The following IMPG1 variants were observed in gnomAD, a reference collection of about 807,000 sequenced individuals.
The protein encoded by IMPG1 is interphotoreceptor matrix proteoglycan 1.
Under a neutral mutation model 92.0 loss-of-function variants are expected in IMPG1, and 85 were observed. That is an observed-to-expected ratio of 0.92 (90% CI 0.78 to 1.11). The LOEUF is 1.11. Among genes scored for constraint, IMPG1 ranks in the 50% least tolerant of loss-of-function variants. The probability of loss-of-function intolerance (pLI) is 0.00; values close to 1 mark genes in which losing one functional copy is unlikely to be tolerated. For synonymous variants in IMPG1, 367 were observed against 334.1 expected (o/e 1.10, Z -1.08); for missense variants, 1,022 against 956.0 (o/e 1.07, Z -0.91).
intron 12 of IMPG1, among the ~76,000 whole-genome samples, chr6:75,974,382 TCTTTCTTTC>T (rs1782488151): frequency 9.0e-6 from 1 of 111,034 alleles, no homozygotes; most frequent in African/African-American, 3.6e-5. Flanking sequence ...TTTCTTTCTT[TCTTTCTTTC>T]TTTTCTTTCT....
At chr6:76,062,432 C>T (rs2127597918) in intron 1 of IMPG1, among the ~76,000 whole-genome samples, 1 of 152,192 alleles carries the variant, frequency 6.6e-6, no homozygotes, top group East Asian at 1.9e-4. Context: ...AATAAAACTA[C>T]AAAAAGGCTG....
chr6:76,057,676 T>C (rs151061064), intron 1 of IMPG1, among the ~76,000 whole-genome samples: 2 of 152,248 alleles, frequency 1.3e-5, no homozygotes, highest in Admixed American at 1.3e-4. Flanking sequence ...CCATCTGGGT[T>C]ATTACTCATG....
At chr6:75,982,200 G>T (rs1469482458) in intron 12 of IMPG1, among the ~76,000 whole-genome samples, 1 of 152,154 alleles carries the variant, frequency 6.6e-6, no homozygotes, top group Non-Finnish European at 1.5e-5. Flanking sequence ...ATTCTGCAAA[G>T]CCTGAATGCT....
At chr6:76,055,304 A>G (rs1257330481) in intron 1 of IMPG1, among the ~76,000 whole-genome samples, 1 of 152,094 alleles carries the variant, frequency 6.6e-6, no homozygotes, top group Non-Finnish European at 1.5e-5. Flanking sequence ...ATTATTCAAA[A>G]TAACCCATAT....
At chr6:75,982,561 C>A (rs1308071626) in intron 12 of IMPG1, among the ~76,000 whole-genome samples, 4 of 148,092 alleles carry the variant, frequency 2.7e-5, no homozygotes, top group East Asian at 2.0e-4. Flanking sequence ...ATCTATCTAT[C>A]TATATATCTA....
chr6:76,021,231 A>G (rs1015171673), intron 6 of IMPG1, among the ~76,000 whole-genome samples: 9 of 152,186 alleles, frequency 5.9e-5, no homozygotes, highest in African/African-American at 2.2e-4. Context: ...AAATGTTTAA[A>G]TTTACCTATA....
At chr6:76,003,043 A>T in intron 11 of IMPG1, 47 bp from the exon 12 acceptor site, 16 of 1,386,728 alleles carry the variant, frequency 1.2e-5, no homozygotes, top group Non-Finnish European at 1.5e-5. Context: ...GGATGTTTGT[A>T]TGTATATGAG....
intron 1 of IMPG1, among the ~76,000 whole-genome samples, chr6:76,066,121 C>G (rs2127598679): frequency 6.6e-6 from 1 of 152,004 alleles, no homozygotes; most frequent in South Asian, 2.1e-4. Context: ...ATCATAAAAA[C>G]AAACATAAAT....
intron 12 of IMPG1, among the ~76,000 whole-genome samples, chr6:75,954,488 A>C (rs1202831194): frequency 6.6e-6 from 1 of 151,960 alleles, no homozygotes; most frequent in Non-Finnish European, 1.5e-5. Flanking sequence ...AATTTGTTTA[A>C]GTTTCTTGTA....
chr6:76,002,557 G>A (rs779370082), intron 12 of IMPG1, among the ~76,000 whole-genome samples: 6 of 152,188 alleles, frequency 3.9e-5, no homozygotes, highest in Non-Finnish European at 8.8e-5. Context: ...ATGGACTTGG[G>A]CCTTAGGACC....
Position 75,968,940 on chromosome 6 carries a change from G to A in IMPG1, c.1292-17846C>T, listed in dbSNP as rs540003669. Among the ~76,000 whole-genome samples, 14 of 152,128 alleles carry A rather than the reference G, an allele frequency of 9.2e-5. No homozygotes were observed. The East Asian group carries it at 1.9e-3, about 21-fold the overall frequency. ...TATGAAATCAAATCAAGTGTTCATC[G>A]ATGAATGACTAAAGAAAATGTGGTA... On this transcript the variant is annotated intron_variant, in intron 12 of 16. Coordinates refer to ENST00000369950, the MANE Select transcript of IMPG1 (RefSeq NM_001563.4).
intron 15 of IMPG1, among the ~76,000 whole-genome samples, chr6:75,924,228 A>G (rs1178437863): frequency 6.6e-6 from 1 of 150,464 alleles, no homozygotes; most frequent in Non-Finnish European, 1.5e-5. Context: ...TGATCGAGCA[A>G]TCCCACTACT....
intron 1 of IMPG1, among the ~76,000 whole-genome samples, chr6:76,057,760 A>G (rs192242061): frequency 8.7e-4 from 133 of 152,256 alleles, no homozygotes; most frequent in African/African-American, 3.0e-3. Flanking sequence ...TGACATTATA[A>G]TGAGCTGGGC....
Position 76,062,969 on chromosome 6 carries a change from C to T in IMPG1, c.67+9453G>A, listed in dbSNP as rs989791103. On this transcript the variant is annotated intron_variant, in intron 1 of 16. Transcript: ENST00000369950. ...CTGTAATCCCAGCACTTTAGGAGGC[C>T]GAGGTGAGTGGATTATTTGAGGTCA... Among the ~76,000 whole-genome samples the T allele has an allele frequency of 7.3e-5, 11 of 151,090 alleles. 1 individual carries two copies. The highest frequency in any genetic ancestry group is 1.5e-4 in the African/African-American group (6 of 41,128).
At chr6:75,975,832 A>G (rs1328808934) in intron 12 of IMPG1, among the ~76,000 whole-genome samples, 1 of 152,250 alleles carries the variant, frequency 6.6e-6, no homozygotes, top group African/African-American at 2.4e-5. Flanking sequence ...GTAGCTCTGA[A>G]GTAGCCATAG....
intron 1 of IMPG1, among the ~76,000 whole-genome samples, chr6:76,064,983 C>T (rs1281060078): frequency 3.9e-5 from 6 of 152,046 alleles, no homozygotes; most frequent in Non-Finnish European, 7.4e-5. Context: ...AGAGTCATTG[C>T]CAGTGAAAGC....
intron 8 of IMPG1, among the ~76,000 whole-genome samples, chr6:76,009,385 C>T (rs1442468481): frequency 6.6e-6 from 1 of 152,152 alleles, no homozygotes; most frequent in African/African-American, 2.4e-5. Context: ...GTAAATCAAC[C>T]TTTATACAAA....
At chr6:76,055,297 A>G (rs894564805) in intron 1 of IMPG1, among the ~76,000 whole-genome samples, 3 of 152,126 alleles carry the variant, frequency 2.0e-5, no homozygotes, top group African/African-American at 7.2e-5. Context: ...GAAAAAAATT[A>G]TTCAAAATAA....
chr6:76,034,429 T>C, intron 3 of IMPG1, 86 bp from the exon 4 acceptor site: 1 of 1,337,490 alleles, frequency 7.5e-7, no homozygotes, highest in Non-Finnish European at 1.1e-6. Context: ...CCCTTCTCCC[T>C]TAACCTACAC....
Sources: gnomAD v4.1 joint callset for allele counts (sites outside exome capture counted in the v4.1 genomes callset) on GRCh38, gnomAD v4.1.1 for gene constraint, MANE v1.5 for transcripts, NCBI Gene and HGNC (gene_info 2026-07-23, HGNC 2026-07-21) for gene names.